Variants in TYW1 observed in about 807,000 individuals in gnomAD.
TYW1 encodes S-adenosyl-L-methionine-dependent tRNA 4-demethylwyosine synthase TYW1.
A neutral mutation model predicts 96.2 loss-of-function variants in TYW1; 46 were observed. That is an observed-to-expected ratio of 0.48 (90% CI 0.38 to 0.61). TYW1 has a LOEUF of 0.61. Among genes scored for constraint, TYW1 ranks in the 20% least tolerant of loss-of-function variants. The pLI is 0.00. For missense variants in TYW1, 684 were observed against 909.6 expected (o/e 0.75, Z 3.19); for synonymous variants, 274 against 323.0 (o/e 0.85, Z 1.63).
At chr7:67,078,433 C>T (rs1461845021) in intron 10 of TYW1, among the ~76,000 whole-genome samples, 2 of 152,030 alleles carry the variant, frequency 1.3e-5, no homozygotes, top group Non-Finnish European at 2.9e-5. Flanking sequence ...ATACCTTGAG[C>T]TGTGTTCATT....
At chr7:67,180,817 A>AT (rs66764953) in intron 13 of TYW1, among the ~76,000 whole-genome samples, 42,559 of 151,186 alleles carry the variant, frequency 0.28, 6,494 homozygotes, top group African/African-American at 0.4. Flanking sequence ...TAATTTTTGT[A>AT]TTTTTTAGTG....
intron 6 of TYW1, among the ~76,000 whole-genome samples, chr7:67,021,436 C>T (rs1562969669): frequency 6.6e-6 from 1 of 152,274 alleles, no homozygotes. Context: ...TGCCCATCCC[C>T]TTCCAACAGC....
chr7:67,063,239 A>C (rs1795751022), intron 9 of TYW1, among the ~76,000 whole-genome samples: 1 of 152,232 alleles, frequency 6.6e-6, no homozygotes, highest in Non-Finnish European at 1.5e-5. Context: ...GGCAGAGTCT[A>C]ACCCTTCATC....
intron 13 of TYW1, among the ~76,000 whole-genome samples, chr7:67,132,854 A>T (rs1360088721): frequency 6.6e-6 from 1 of 152,240 alleles, no homozygotes; most frequent in Non-Finnish European, 1.5e-5. Flanking sequence ...TCCCCGATGT[A>T]GGAGAAATTC....
rs1326053244 is a variant in TYW1, at chr7:67,203,180, CTG to C, written c.1977+7845_1977+7846del. Among the ~76,000 whole-genome samples the C allele has an allele frequency of 2.0e-5, 3 of 152,332 alleles. No individual in the cohort carries two copies. The East Asian group carries it at 5.8e-4, about 29-fold the overall frequency. On this transcript the variant is annotated intron_variant, in intron 15 of 15. Transcript: ENST00000359626. Reference sequence around the variant, plus strand: ...TGGCGACCGCTAATCTCCTCCATCTCTGTAGTTTCCTCATTGGAAGAAGGATA... The same window carrying C: ...TGGCGACCGCTAATCTCCTCCATCTCTAGTTTCCTCATTGGAAGAAGGATA...
At chr7:67,000,331 C>T (rs1793341542) in intron 3 of TYW1, among the ~76,000 whole-genome samples, 1 of 152,130 alleles carries the variant, frequency 6.6e-6, no homozygotes, top group Non-Finnish European at 1.5e-5. Flanking sequence ...TGGTATCTCA[C>T]TCTGTCCCCC....
intron 12 of TYW1, among the ~76,000 whole-genome samples, chr7:67,108,120 G>A (rs1361278153): frequency 6.6e-6 from 1 of 151,870 alleles, no homozygotes; most frequent in Non-Finnish European, 1.5e-5. Context: ...CAAGTGATTT[G>A]CCTGCCTTGG....
At chr7:67,161,019 C>G (rs552449196) in intron 13 of TYW1, among the ~76,000 whole-genome samples, 1 of 152,294 alleles carries the variant, frequency 6.6e-6, no homozygotes, top group East Asian at 1.9e-4. Flanking sequence ...TAATGGTGGC[C>G]TCTCATAATT....
At position 67,183,212 on chromosome 7, in the gene TYW1, G is replaced by A. The variant is rs7776775; in HGVS notation, c.1785G>A (p.Gly595=). The change falls in exon 14 of 16, where the codon GGG becomes GGA. Residue 595 remains glycine (G), a synonymous_variant. Coordinates refer to ENST00000359626, the MANE Select transcript of TYW1 (RefSeq NM_018264.4). ...CCTACGCGCAGCTCGTGTCCCTGGG[G>A]AATCCTGACTTCATCGAAGTGAAGG... is the stretch of plus-strand genomic sequence containing the variant. ...LQAYAQLVSL[G]NPDFIEVKGV... The A allele has an allele frequency of 0.23, 368,595 of 1,592,622 alleles. 32,505 individuals are homozygous for A. Among genetic ancestry groups the A allele is most frequent in the African/African-American group, 0.38 (27,789 of 73,520 alleles).
intron 13 of TYW1, among the ~76,000 whole-genome samples, chr7:67,149,119 C>G (rs1798710117): frequency 6.6e-6 from 1 of 152,176 alleles, no homozygotes; most frequent in African/African-American, 2.4e-5. Flanking sequence ...CACCTCACCA[C>G]TTGTTTAAAA....
chr7:67,001,422 T>A (rs993230710), intron 3 of TYW1, among the ~76,000 whole-genome samples: 10 of 151,044 alleles, frequency 6.6e-5, no homozygotes, highest in Admixed American at 1.3e-4. Context: ...TTATTTATTT[T>A]TTATTTATTT....
intron 13 of TYW1, among the ~76,000 whole-genome samples, chr7:67,145,620 A>G (rs1223664138): frequency 6.6e-6 from 1 of 152,198 alleles, no homozygotes; most frequent in African/African-American, 2.4e-5. Flanking sequence ...TCAGCCAGTG[A>G]TATGGTGGTT....
rs1183044475 is a variant in TYW1 at position 67,018,082 on chromosome 7, G to A, written c.800G>A (p.Gly267Asp). ...GGCAAATGTGAATCTCACCAACATGGCTCAGAGGAGAGGGAGGAAGGATCT... is the reference window on the plus strand; with the variant it reads ...GGCAAATGTGAATCTCACCAACATGACTCAGAGGAGAGGGAGGAAGGATCT... ...KKGKCESHQH[G>D]SEEREEGSHE... Residue 267 changes from glycine (G) to aspartate (D), a missense_variant, in exon 6 of 16, where the codon GGC (glycine) becomes GAC (aspartate). Coordinates refer to ENST00000359626, the MANE Select transcript of TYW1 (RefSeq NM_018264.4). 6.2e-7 allele frequency: 1 copy of A among 1,614,120 alleles called. No individual in the cohort carries two copies. The highest frequency in any genetic ancestry group is 1.1e-5 in the South Asian group (1 of 91,074).
rs67162571 is a variant in TYW1, at chr7:67,029,382, C to CGTGTGTGTGTGTGT, written c.984+4381_984+4394dup. Among the ~76,000 whole-genome samples the CGTGTGTGTGTGTGT allele has an allele frequency of 2.7e-4, 29 of 106,774 alleles. 1 individual carries two copies. The highest frequency in any genetic ancestry group is 8.9e-4 in the South Asian group (3 of 3,388). 70.0% of individuals were successfully genotyped at this position (106,774 alleles called of 152,430 possible). On this transcript the variant is annotated intron_variant, in intron 7 of 15. Transcript: ENST00000359626. ...AAACTTAGTTAAATATGTGTGTGTGCGTGTGTGTGTGTGTGTGTGTGTGTG... is the reference window on the plus strand; with the variant it reads ...AAACTTAGTTAAATATGTGTGTGTGCGTGTGTGTGTGTGTGTGTGTGTGTGTGTGTGTGTGTGTG...
chr7:67,187,311 G>A (rs1230582275), intron 14 of TYW1, among the ~76,000 whole-genome samples: 2 of 151,942 alleles, frequency 1.3e-5, no homozygotes, highest in South Asian at 2.1e-4. Flanking sequence ...TGATCCACCC[G>A]CCTTGGCCTC....
intron 13 of TYW1, among the ~76,000 whole-genome samples, chr7:67,178,111 C>T (rs1383728551): frequency 2.0e-5 from 3 of 151,640 alleles, no homozygotes; most frequent in Non-Finnish European, 2.9e-5. Flanking sequence ...CTGGAGTGGG[C>T]CATGCTTATG....
rs1328938795 is a variant in TYW1, at chr7:67,179,869, T to A, written c.1699-3257T>A. Among the ~76,000 whole-genome samples the A allele has an allele frequency of 8.8e-5, 11 of 124,882 alleles. 1 individual carries two copies. The highest frequency in any genetic ancestry group is 3.3e-4 in the African/African-American group (10 of 29,898). The allele number at this position is 124,882 out of a possible 152,430, so 81.9% of individuals were successfully genotyped here. Reference sequence around the variant, plus strand: ...GGAATATATATATATATATATATTTTTTTTTTTTGGCGGGGGACAGGGTCT... The same window carrying A: ...GGAATATATATATATATATATATTTATTTTTTTTGGCGGGGGACAGGGTCT... On this transcript the variant is annotated intron_variant, in intron 13 of 15. Transcript: ENST00000359626.
chr7:67,098,008 G>A (rs1271243739), intron 11 of TYW1, among the ~76,000 whole-genome samples: 1 of 152,102 alleles, frequency 6.6e-6, no homozygotes, highest in East Asian at 1.9e-4. Flanking sequence ...GCCTGTAGAA[G>A]TATTTTTTGA....
chr7:67,070,864 G>A (rs926861645), intron 10 of TYW1, among the ~76,000 whole-genome samples: 1 of 152,090 alleles, frequency 6.6e-6, no homozygotes, highest in Non-Finnish European at 1.5e-5. Context: ...TGGCACGGTG[G>A]CTCATGCCTG....
Sources: allele counts gnomAD v4.1 joint callset (sites outside exome capture counted in the v4.1 genomes callset), GRCh38; gene constraint gnomAD v4.1.1; transcripts MANE v1.5; gene names NCBI Gene and HGNC (gene_info 2026-07-23, HGNC 2026-07-21).